The following ABCA13 variants were observed in gnomAD, a reference collection of about 807,000 sequenced individuals.
ABCA13 encodes the protein ATP binding cassette subfamily A member 13.
Under a neutral mutation model 478.7 loss-of-function variants are expected in ABCA13, and 476 were observed. That is an observed-to-expected ratio of 0.99 (90% CI 0.92 to 1.07). The LOEUF (loss-of-function observed/expected upper bound fraction) is 1.07, where lower values mean the gene tolerates loss of function less well. ABCA13 is among the 50% of genes least tolerant of loss of function. The probability of loss-of-function intolerance (pLI) is 0.00; values close to 1 mark genes in which losing one functional copy is unlikely to be tolerated. For synonymous variants in ABCA13, 2,252 were observed against 2,158.9 expected (o/e 1.04, Z -1.20); for missense variants, 6,060 against 5,910.6 (o/e 1.03, Z -0.83).
chr7:48,274,190 A>G lies in ABCA13; in HGVS notation c.4524A>G (p.Thr1508=), dbSNP rs1795991284. 6.2e-7 allele frequency: 1 copy of G among 1,612,370 alleles called. No individual in the cohort carries two copies. Among genetic ancestry groups the G allele is most frequent in the Non-Finnish European group, 8.5e-7 (1 of 1,178,968 alleles). Reference sequence around the variant, plus strand: ...TAAGGATGAGTATCAACAACTTAACAACAGACTTTGATTTTGCATCTCAGT... The same window carrying G: ...TAAGGATGAGTATCAACAACTTAACGACAGACTTTGATTTTGCATCTCAGT... The part of the protein sequence containing the change: ...KQVRMSINNL[T]TDFDFASQSN... The change falls in exon 17 of 62, where the codon ACA becomes ACG. Residue 1508 remains threonine, a synonymous_variant. Transcript: ENST00000435803.
rs117253171 is a variant in ABCA13 at position 48,540,895 on chromosome 7, T to C, written c.14354+12550T>C. Reference sequence around the variant, plus strand: ...TATTATTTTCTATTCTCTGTAGCTCTTCTTCCTACTATCGTAACTCTCAAC... The same window carrying C: ...TATTATTTTCTATTCTCTGTAGCTCCTCTTCCTACTATCGTAACTCTCAAC... On this transcript the variant is annotated intron_variant, in intron 55 of 61. Transcript: ENST00000435803. 1.2e-3 allele frequency among the ~76,000 whole-genome samples: 178 copies of C among 152,280 alleles called. 3 individuals carry two copies. In the East Asian group the frequency reaches 0.032, roughly 27 times the overall value.
intron 3 of ABCA13, among the ~76,000 whole-genome samples, chr7:48,203,485 T>C (rs1193785860): frequency 6.6e-6 from 1 of 152,210 alleles, no homozygotes; most frequent in African/African-American, 2.4e-5. Flanking sequence ...TCTCAATAAG[T>C]TTCCATGACC....
intron 5 of ABCA13, among the ~76,000 whole-genome samples, chr7:48,224,229 C>G (rs904439442): frequency 1.3e-5 from 2 of 152,184 alleles, no homozygotes; most frequent in African/African-American, 4.8e-5. Context: ...TTCTGTTCTT[C>G]CCCGAAGTCA....
chr7:48,533,465 T>C (rs1273331376), intron 55 of ABCA13, among the ~76,000 whole-genome samples: 3 of 152,098 alleles, frequency 2.0e-5, no homozygotes, highest in Non-Finnish European at 4.4e-5. Context: ...ATAGAATGTA[T>C]ATTCTGTAGC....
chr7:48,348,424 A>G (rs1346924715), intron 29 of ABCA13, among the ~76,000 whole-genome samples: 1 of 152,216 alleles, frequency 6.6e-6, no homozygotes, highest in East Asian at 1.9e-4. Flanking sequence ...ACTAAATGAG[A>G]AATGAAAACT....
rs1428977390 is a variant in ABCA13 at position 48,273,649 on chromosome 7, G to A, written c.3983G>A (p.Arg1328Lys). 1 of 1,606,956 alleles carries A rather than the reference G, an allele frequency of 6.2e-7. No homozygotes were observed. The highest frequency in any genetic ancestry group is 8.5e-7 in the Non-Finnish European group (1 of 1,176,260). ...EKFENIITELREAIVFLRNVS... is the reference protein window; with the variant it reads ...EKFENIITELKEAIVFLRNVS... ...TTTGAAAATATCATCACTGAGCTAAGAGAAGCAATAGTATTTCTTAGAAAT... is the reference window on the plus strand; with the variant it reads ...TTTGAAAATATCATCACTGAGCTAAAAGAAGCAATAGTATTTCTTAGAAAT... The change falls in exon 17 of 62, where the codon AGA becomes AAA. Residue 1328 changes from arginine to lysine, a missense_variant. Physicochemically the swap from Arg to Lys is conservative, Grantham distance 26. Around this residue, in one of 3 missense-constraint regions of ABCA13, gnomAD observed 4,423 missense variants for 4,309.1 expected, o/e 1.03. Transcript: ENST00000435803.
intron 50 of ABCA13, among the ~76,000 whole-genome samples, chr7:48,508,713 T>A (rs12667982): frequency 0.18 from 27,848 of 152,144 alleles, 3,009 homozygotes; most frequent in African/African-American, 0.29. Flanking sequence ...ATATGATTCA[T>A]CTTGTGATAC....
intron 17 of ABCA13, 31 bp from the exon 18 acceptor site, chr7:48,278,063 A>G: frequency 1.3e-6 from 1 of 796,338 alleles, no homozygotes. Flanking sequence ...TAAAAATTAA[A>G]TTAAAAGTAT....
chr7:48,201,951 G>A (rs1262125143), intron 3 of ABCA13, among the ~76,000 whole-genome samples: 1 of 151,974 alleles, frequency 6.6e-6, no homozygotes, highest in African/African-American at 2.4e-5. Context: ...GAGTGAAGCT[G>A]CAGACCTTCA....
At chr7:48,307,935 T>C (rs976501079) in intron 23 of ABCA13, among the ~76,000 whole-genome samples, 9 of 152,130 alleles carry the variant, frequency 5.9e-5, no homozygotes, top group African/African-American at 2.2e-4. Context: ...CCGCCTGCCT[T>C]AGCCTCCCAA....
chr7:48,613,508 T>G (rs1331551258), intron 58 of ABCA13, among the ~76,000 whole-genome samples: 1 of 151,726 alleles, frequency 6.6e-6, no homozygotes, highest in Non-Finnish European at 1.5e-5. Flanking sequence ...TTAATGCTAG[T>G]TTGCTGTGTT....
In ABCA13 at chr7:48,198,308, G is replaced by T. The variant is rs771504648; in HGVS notation, c.235G>T (p.Gly79Ter). ...TGTTCAAAGCCTTCTTTGTAACACT[G>T]GATCAAGGTGTAGGAACTTCAGCTA... ...PFVQSLLCNT[G>*]SRCRNFSYEG... The change falls in exon 3 of 62, where the codon GGA becomes TGA. Residue 79 changes from glycine (G) to a stop codon, truncating the protein, a stop_gained. Coordinates refer to ENST00000435803, the MANE Select transcript of ABCA13 (RefSeq NM_152701.5). LOFTEE classifies it high-confidence loss of function. 2.8e-5 allele frequency: 45 copies of T among 1,613,564 alleles called. No individual in the cohort carries two copies. The highest frequency in any genetic ancestry group is 3.6e-5 in the Non-Finnish European group (42 of 1,179,800).
At chr7:48,594,853 C>A in intron 58 of ABCA13, 40 bp downstream of exon 58, 1 of 1,568,024 alleles carries the variant, frequency 6.4e-7, no homozygotes, top group Non-Finnish European at 8.8e-7. Flanking sequence ...CCTGATAAGA[C>A]TGAGTAACAA....
At chr7:48,604,974 T>A (rs1791320772) in intron 58 of ABCA13, among the ~76,000 whole-genome samples, 1 of 152,226 alleles carries the variant, frequency 6.6e-6, no homozygotes, top group Non-Finnish European at 1.5e-5. Flanking sequence ...CCCTTTACCA[T>A]TATGTAATGG....
chr7:48,393,475 C>T (rs953302365), intron 38 of ABCA13, among the ~76,000 whole-genome samples: 12 of 152,118 alleles, frequency 7.9e-5, no homozygotes, highest in South Asian at 2.1e-4. Flanking sequence ...CTGCACATTC[C>T]TAAGAAGAAA....
At chr7:48,548,747 A>G (rs188053387) in intron 55 of ABCA13, among the ~76,000 whole-genome samples, 3 of 151,874 alleles carry the variant, frequency 2.0e-5, no homozygotes, top group Admixed American at 2.0e-4. Context: ...CTCGTTACAT[A>G]GAAACTAAGC....
At chr7:48,453,724 C>T (rs1268362421) in intron 42 of ABCA13, among the ~76,000 whole-genome samples, 1 of 152,160 alleles carries the variant, frequency 6.6e-6, no homozygotes, top group Non-Finnish European at 1.5e-5. Context: ...TCACTTTTTC[C>T]TCAGCATCCC....
intron 43 of ABCA13, among the ~76,000 whole-genome samples, chr7:48,465,581 A>T (rs1227112816): frequency 1.4e-5 from 2 of 139,966 alleles, no homozygotes; most frequent in Non-Finnish European, 3.1e-5. Context: ...CATAATAATT[A>T]TACATATTTA....
intron 7 of ABCA13, among the ~76,000 whole-genome samples, chr7:48,231,801 A>G (rs1789129013): frequency 6.6e-6 from 1 of 152,122 alleles, no homozygotes; most frequent in South Asian, 2.1e-4. Flanking sequence ...AGCTGGGACT[A>G]CAGGCGTGCA....
Sources: allele counts gnomAD v4.1 joint callset (sites outside exome capture counted in the v4.1 genomes callset), GRCh38; gene constraint gnomAD v4.1.1; regional missense constraint gnomAD v4.1.1; transcripts MANE v1.5; gene names NCBI Gene and HGNC (gene_info 2026-07-23, HGNC 2026-07-21).